Variants in SLC22A14 observed in about 807,000 individuals in gnomAD.
SLC22A14 encodes organic cation transporter-like 4.
In SLC22A14, 50 loss-of-function variants were observed where a neutral mutation model predicts 53.9. The observed-to-expected ratio is 0.93, with a 90% CI of 0.74 to 1.17. The LOEUF (loss-of-function observed/expected upper bound fraction) is 1.17, where lower values mean the gene tolerates loss of function less well. Among genes scored for constraint, SLC22A14 ranks in the 50% most tolerant of loss-of-function variants. SLC22A14 has a pLI of 0.00. For synonymous variants in SLC22A14, 312 were observed against 303.0 expected (o/e 1.03, Z -0.31); for missense variants, 671 against 734.7 (o/e 0.91, Z 1.00).
chr3:38,289,180 C>CA (rs1173451784), intron 1 of SLC22A14, among the ~76,000 whole-genome samples: 16,570 of 52,710 alleles, frequency 0.31, 1,965 homozygotes, highest in East Asian at 0.39. Flanking sequence ...TCTATCTCTA[C>CA]AAAAAAAAAA....
At chr3:38,312,876 G>A in intron 5 of SLC22A14, 123 bp from the exon 6 acceptor site, 1 of 1,322,826 alleles carries the variant, frequency 7.6e-7, no homozygotes, top group South Asian at 1.4e-5. Context: ...TGGCCTTCAA[G>A]GCCCTGACAT....
intron 1 of SLC22A14, among the ~76,000 whole-genome samples, chr3:38,294,701 A>G (rs1343982122): frequency 1.3e-5 from 2 of 152,020 alleles, no homozygotes; most frequent in Admixed American, 1.3e-4. Flanking sequence ...AGTTATGCTC[A>G]CCGATGTAGC....
intron 1 of SLC22A14, among the ~76,000 whole-genome samples, chr3:38,295,171 T>A (rs1251954610): frequency 6.6e-6 from 1 of 152,240 alleles, no homozygotes; most frequent in Non-Finnish European, 1.5e-5. Flanking sequence ...CTAGGTCTTG[T>A]CAGATCTTTG....
At chr3:38,291,796 C>T (rs1331916675) in intron 1 of SLC22A14, among the ~76,000 whole-genome samples, 1 of 152,246 alleles carries the variant, frequency 6.6e-6, no homozygotes, top group Non-Finnish European at 1.5e-5. Flanking sequence ...GCTTCTGCTT[C>T]AGGTGTCCAT....
At position 38,307,809 on chromosome 3, in the gene SLC22A14, G is replaced by C; in HGVS notation, c.775+89G>C. On this transcript the variant is annotated intron_variant, in intron 4 of 10. Coordinates refer to ENST00000448498, the MANE Select transcript of SLC22A14 (RefSeq NM_001320033.2). This position sits in a 1 kb window ranked among gnomAD's most constrained non-coding sequence, Gnocchi z 4.4. ...ACAAGGGGACATAGTGGCAGGGGGC[G>C]TGGCGGCATAGGCAGATGGCAAGGG... 6.9e-7 allele frequency: 1 copy of C among 1,454,456 alleles called. No individual in the cohort carries two copies. The highest frequency in any genetic ancestry group is 9.5e-7 in the Non-Finnish European group (1 of 1,054,614). The allele number at this position is 1,454,456 out of a possible 1,614,324, so 90.1% of individuals were successfully genotyped here.
chr3:38,301,067 C>T (rs73825515), intron 1 of SLC22A14, among the ~76,000 whole-genome samples: 5 of 152,032 alleles, frequency 3.3e-5, no homozygotes, highest in Non-Finnish European at 5.9e-5. Context: ...ATTTCTCCCC[C>T]CTCAGCCTCC....
intron 1 of SLC22A14, among the ~76,000 whole-genome samples, chr3:38,298,586 C>T (rs993979946): frequency 8.6e-5 from 13 of 151,500 alleles, no homozygotes; most frequent in Admixed American, 5.3e-4. Flanking sequence ...GTGTTTTAGA[C>T]GGAGTCTTGC....
In SLC22A14 at chr3:38,315,710, A is replaced by C. The variant is rs1376068295; in HGVS notation, c.1531A>C (p.Arg511=). The C allele has an allele frequency of 6.2e-7, 1 of 1,612,606 alleles. No homozygotes were observed. Among genetic ancestry groups the C allele is most frequent in the Non-Finnish European group, 8.5e-7 (1 of 1,179,306 alleles). Residue 511 remains arginine, a splice_region_variant and synonymous_variant, in exon 9 of 11, where the codon AGG becomes CGG. Coordinates refer to ENST00000448498, the MANE Select transcript of SLC22A14 (RefSeq NM_001320033.2). ...CGCTGAGCTCCTCCCCACTGTGCTC[A>C]GGTATGGGGTCTGGTGGGCGAGGGG... ...YTAELLPTVL[R]ATGLGLVSLA... is the part of the protein sequence containing the mutation.
At position 38,313,133 on chromosome 3, in the gene SLC22A14, G is replaced by A; in HGVS notation, c.1065+14G>A. The A allele has an allele frequency of 6.2e-7, 1 of 1,610,052 alleles. No individual in the cohort carries two copies. The highest frequency in any genetic ancestry group is 8.5e-7 in the Non-Finnish European group (1 of 1,178,462). On this transcript the variant is annotated intron_variant, in intron 6 of 10. Coordinates refer to ENST00000448498, the MANE Select transcript of SLC22A14 (RefSeq NM_001320033.2). Reference sequence around the variant, plus strand: ...CTGCTGGACGAGGTAAAGGGCTTCTGGCCAGGAGTGGGGCCGGAGCAGTGG... The same window carrying A: ...CTGCTGGACGAGGTAAAGGGCTTCTAGCCAGGAGTGGGGCCGGAGCAGTGG...
Position 38,318,375 on chromosome 3 carries a change from GCCCCCAGA to G in SLC22A14, c.*129_*136del. ...AACAGCCAGGCTCCCTGAGGGCCAG[GCCCCCAGA>G]CCATCTTGGGTTGGAATTGAGTGGC... On this transcript the variant is annotated 3_prime_UTR_variant, in exon 11 of 11. Transcript: ENST00000448498. 1 of 881,378 alleles carries G rather than the reference GCCCCCAGA, an allele frequency of 1.1e-6. No individual in the cohort carries two copies. Among genetic ancestry groups the G allele is most frequent in the Admixed American group, 1.9e-5 (1 of 53,492 alleles). The allele number at this position is 881,378 out of a possible 1,614,324, so 54.6% of individuals were successfully genotyped here.
upstream of SLC22A14, among the ~76,000 whole-genome samples, chr3:38,279,990 C>T (rs1465029675): frequency 6.6e-6 from 1 of 152,184 alleles, no homozygotes; most frequent in Non-Finnish European, 1.5e-5. Flanking sequence ...ACTTGTAAGA[C>T]AACAAAGCTG....
At chr3:38,282,510 G>A (rs1213895836) in intron 1 of SLC22A14, among the ~76,000 whole-genome samples, 171 bp downstream of exon 1, 2 of 152,120 alleles carry the variant, frequency 1.3e-5, no homozygotes, top group Admixed American at 6.5e-5. Flanking sequence ...TGGAAGGAGC[G>A]GGCTGCCCTC....
In SLC22A14 at chr3:38,307,502, T is replaced by C. The variant is rs1704340085; in HGVS notation, c.621-64T>C. The C allele has an allele frequency of 6.3e-7, 1 of 1,599,068 alleles. No homozygotes were observed. Among genetic ancestry groups the C allele is most frequent in the Admixed American group, 1.7e-5 (1 of 59,592 alleles). On this transcript the variant is annotated intron_variant, in intron 3 of 10. Transcript: ENST00000448498. The surrounding 1 kb of genome is among the most constrained non-coding windows in gnomAD (Gnocchi z 4.4). ...GATGGCTCAGGGCCTGGCCCAGGTG[T>C]ATCCGGCTGGGGCCAGCCCGGGAGA...
At chr3:38,296,167 G>T (rs1158370481) in intron 1 of SLC22A14, among the ~76,000 whole-genome samples, 1 of 152,220 alleles carries the variant, frequency 6.6e-6, no homozygotes, top group Non-Finnish European at 1.5e-5. Flanking sequence ...AGAAGGAAAG[G>T]TAGGGGCACA....
intron 1 of SLC22A14, among the ~76,000 whole-genome samples, chr3:38,300,215 G>A (rs746631972): frequency 1.3e-5 from 2 of 152,114 alleles, no homozygotes; most frequent in African/African-American, 2.4e-5. Context: ...CAAGGTGGGC[G>A]GATCACCTAA....
intron 5 of SLC22A14, among the ~76,000 whole-genome samples, chr3:38,312,217 A>G (rs1335343067): frequency 6.6e-6 from 1 of 152,210 alleles, no homozygotes; most frequent in Non-Finnish European, 1.5e-5. Flanking sequence ...GTCCCCAAGT[A>G]CATAGCTCTG....
At position 38,309,031 on chromosome 3, in the gene SLC22A14, T is replaced by C. The variant is rs772509642; in HGVS notation, c.853T>C (p.Leu285=). Residue 285 remains leucine (L), a synonymous_variant, in exon 5 of 11, where the codon TTG becomes CTG. Coordinates refer to ENST00000448498, the MANE Select transcript of SLC22A14 (RefSeq NM_001320033.2). The part of the protein sequence containing the change: ...GHCFFAVGAV[L]LTGIAYSLPH... ...CTGCTTTTTCGCTGTTGGGGCCGTG[T>C]TGCTGACAGGGATCGCCTACAGTCT... 1.2e-6 allele frequency: 2 copies of C among 1,613,970 alleles called. No homozygotes were observed. The highest frequency in any genetic ancestry group is 1.7e-6 in the Non-Finnish European group (2 of 1,179,920).
chr3:38,294,086 T>G (rs1703971845), intron 1 of SLC22A14, among the ~76,000 whole-genome samples: 1 of 152,106 alleles, frequency 6.6e-6, no homozygotes, highest in Non-Finnish European at 1.5e-5. Flanking sequence ...ATTCTCCTCC[T>G]CCTACTGCTT....
chr3:38,306,346 G>A lies in SLC22A14; in HGVS notation c.320G>A (p.Gly107Asp), dbSNP rs775094730. Residue 107 changes from glycine to aspartate, a missense_variant, in exon 2 of 11, where the codon GGC becomes GAC. By Grantham distance (94) the Gly-to-Asp change is moderately conservative. Coordinates refer to ENST00000448498, the MANE Select transcript of SLC22A14 (RefSeq NM_001320033.2). ...AATACCAGCTGGATCCTGGCAGTGG[G>A]CCCCCACCTGTCCAAAGCTGAGCAG... is the stretch of plus-strand genomic sequence containing the variant. ...YCNTSWILAV[G>D]PHLSKAEQLN... 2 of 1,614,114 alleles carry A rather than the reference G, an allele frequency of 1.2e-6. No homozygotes were observed. The highest frequency in any genetic ancestry group is 2.2e-5 in the South Asian group (2 of 91,084).
Sources: gnomAD v4.1 joint callset for allele counts (sites outside exome capture counted in the v4.1 genomes callset) on GRCh38, gnomAD v4.1.1 for gene constraint, Gnocchi (gnomAD v3.1) non-coding constraint, MANE v1.5 for transcripts, NCBI Gene and HGNC (gene_info 2026-07-23, HGNC 2026-07-21) for gene names.